Variants in NEK11 observed in about 807,000 individuals in gnomAD.
The protein encoded by NEK11 is NIMA related kinase 11.
Under a neutral mutation model 80.7 loss-of-function variants are expected in NEK11, and 72 were observed. The observed-to-expected ratio is 0.89, with a 90% CI of 0.74 to 1.08. The LOEUF (loss-of-function observed/expected upper bound fraction) is 1.08. Among genes scored for constraint, NEK11 ranks in the 50% least tolerant of loss-of-function variants. The pLI is 0.00. For missense variants in NEK11, 764 were observed against 763.6 expected, an observed-to-expected ratio of 1.00 and a Z score of -0.01; for synonymous variants, 251 against 260.7, an observed-to-expected ratio of 0.96 and a Z score of 0.36.
At chr3:131,280,530 A>G (rs1223118714) in intron 17 of NEK11, among the ~76,000 whole-genome samples, 2 of 152,222 alleles carry the variant, frequency 1.3e-5, no homozygotes, top group African/African-American at 4.8e-5. Flanking sequence ...TTTGAGATTC[A>G]TAGCAAAATT....
intron 17 of NEK11, among the ~76,000 whole-genome samples, chr3:131,344,079 T>C (rs1368410217): frequency 6.6e-6 from 1 of 152,236 alleles, no homozygotes; most frequent in Non-Finnish European, 1.5e-5. Context: ...ACTTTTATGC[T>C]ATCCTTCCCT....
At chr3:131,033,584 G>T (rs945265282) in intron 3 of NEK11, among the ~76,000 whole-genome samples, 1 of 152,102 alleles carries the variant, frequency 6.6e-6, no homozygotes, top group African/African-American at 2.4e-5. Flanking sequence ...TTTAATCAAA[G>T]AACTTGACAA....
At chr3:131,034,583 T>C (rs893323562) in intron 3 of NEK11, among the ~76,000 whole-genome samples, 4 of 152,138 alleles carry the variant, frequency 2.6e-5, no homozygotes, top group African/African-American at 9.7e-5. Flanking sequence ...GTATTTTTAG[T>C]AGAGATGGGG....
chr3:131,032,760 G>A (rs921846977), intron 3 of NEK11, among the ~76,000 whole-genome samples: 13 of 152,112 alleles, frequency 8.5e-5, no homozygotes, highest in Non-Finnish European at 1.3e-4. Flanking sequence ...ATAAGAATAC[G>A]ATATCTGCCT....
At position 131,199,400 on chromosome 3, in the gene NEK11, A is replaced by G. The variant is rs56118819; in HGVS notation, c.1399+28513A>G. 9.2e-3 allele frequency among the ~76,000 whole-genome samples: 1,408 copies of G among 152,300 alleles called. 13 individuals carry two copies. Among genetic ancestry groups the G allele is most frequent in the African/African-American group, 0.026 (1,100 of 41,582 alleles). ...ATATATCACAGTTTTGTAAAACTGG[A>G]AAGATTTACAAGACAGAATATACAA... On this transcript the variant is annotated intron_variant, in intron 14 of 17. Transcript: ENST00000383366.
At chr3:131,068,619 C>A (rs1434818538) in intron 3 of NEK11, among the ~76,000 whole-genome samples, 1 of 152,084 alleles carries the variant, frequency 6.6e-6, no homozygotes, top group Non-Finnish European at 1.5e-5. Context: ...CTGTAGACAA[C>A]TTGGGCAGGC....
chr3:131,196,923 G>C (rs544832004), intron 14 of NEK11, among the ~76,000 whole-genome samples: 38 of 151,720 alleles, frequency 2.5e-4, no homozygotes, highest in Non-Finnish European at 4.7e-4. Context: ...CAAAGGGAGG[G>C]GACCCAAAAA....
At chr3:131,144,395 C>G (rs2087680094) in intron 7 of NEK11, among the ~76,000 whole-genome samples, 1 of 152,116 alleles carries the variant, frequency 6.6e-6, no homozygotes, top group Non-Finnish European at 1.5e-5. Context: ...TCCCCCACCC[C>G]CAATCTGCTT....
At chr3:131,255,130 G>A (rs200518814) in intron 16 of NEK11, among the ~76,000 whole-genome samples, 1,462 of 125,772 alleles carry the variant, frequency 0.012, 14 homozygotes, top group East Asian at 0.057. Flanking sequence ...GAAAGAAAGA[G>A]AGAAAGAACA....
chr3:131,181,940 T>A lies in NEK11; in HGVS notation c.1399+11053T>A, dbSNP rs376386621. On this transcript the variant is annotated intron_variant, in intron 14 of 17. Transcript: ENST00000383366. ...AAGTGATTGAAATAGCTTGCTTTGGTGTTTAGGCCAGACTTTAATTTAGAA... is the reference window on the plus strand; with the variant it reads ...AAGTGATTGAAATAGCTTGCTTTGGAGTTTAGGCCAGACTTTAATTTAGAA... 1.1e-4 allele frequency among the ~76,000 whole-genome samples: 16 copies of A among 151,518 alleles called. No homozygotes were observed. The South Asian group carries it at 2.9e-3, about 28-fold the overall frequency.
intron 17 of NEK11, among the ~76,000 whole-genome samples, chr3:131,315,342 A>G (rs2096825959): frequency 1.3e-5 from 2 of 151,912 alleles, no homozygotes; most frequent in African/African-American, 4.8e-5. Context: ...TTCTTTTTTT[A>G]GATTCCGATC....
At chr3:131,237,485 A>C (rs182749749) in intron 15 of NEK11, among the ~76,000 whole-genome samples, 1 of 152,296 alleles carries the variant, frequency 6.6e-6, no homozygotes, top group South Asian at 2.1e-4. Flanking sequence ...TCAGCCTTAC[A>C]TATTTACATA....
chr3:131,226,228 A>G (rs2095190404), intron 14 of NEK11, among the ~76,000 whole-genome samples: 1 of 152,176 alleles, frequency 6.6e-6, no homozygotes, highest in Non-Finnish European at 1.5e-5. Context: ...ACATGTCCCT[A>G]CTTGATGGCA....
intron 17 of NEK11, among the ~76,000 whole-genome samples, chr3:131,292,993 G>A (rs1045423812): frequency 5.9e-5 from 9 of 151,892 alleles, no homozygotes; most frequent in Admixed American, 2.0e-4. Context: ...TCTTTTTATC[G>A]ATTTTTTTAA....
At chr3:131,195,557 A>T (rs1188663269) in intron 14 of NEK11, among the ~76,000 whole-genome samples, 1 of 152,038 alleles carries the variant, frequency 6.6e-6, no homozygotes, top group Non-Finnish European at 1.5e-5. Flanking sequence ...CCTGAGTCAC[A>T]GATATAAATT....
At chr3:131,066,422 C>T (rs913616680) in intron 3 of NEK11, among the ~76,000 whole-genome samples, 6 of 152,062 alleles carry the variant, frequency 3.9e-5, no homozygotes, top group Non-Finnish European at 8.8e-5. Context: ...GACTATCAAC[C>T]TTGTGCAGAG....
chr3:131,272,664 C>T (rs937965944), intron 16 of NEK11, among the ~76,000 whole-genome samples: 2 of 151,478 alleles, frequency 1.3e-5, no homozygotes, highest in Non-Finnish European at 2.9e-5. Context: ...TTAGTAGAGA[C>T]GAGGTTTCAC....
intron 17 of NEK11, among the ~76,000 whole-genome samples, chr3:131,313,861 A>C (rs1470609968): frequency 6.6e-6 from 1 of 152,230 alleles, no homozygotes; most frequent in Non-Finnish European, 1.5e-5. Flanking sequence ...ACCAAGTAGC[A>C]TTTCAACATT....
intron 14 of NEK11, among the ~76,000 whole-genome samples, chr3:131,184,037 G>A (rs1388627537): frequency 2.0e-5 from 3 of 152,094 alleles, no homozygotes; most frequent in Non-Finnish European, 4.4e-5. Flanking sequence ...GATGTCATTC[G>A]ATGCCTCGCC....
Sources: allele counts gnomAD v4.1 joint callset (sites outside exome capture counted in the v4.1 genomes callset), GRCh38; gene constraint gnomAD v4.1.1; transcripts MANE v1.5; gene names NCBI Gene and HGNC (gene_info 2026-07-23, HGNC 2026-07-21).